The following CHKA variants were observed in gnomAD, a reference collection of about 807,000 sequenced individuals.
CHKA encodes the protein CHETK-alpha.
A neutral mutation model predicts 60.1 loss-of-function variants in CHKA; 34 were observed. The ratio of observed to expected loss-of-function variants is 0.57; its 90% CI spans 0.43 to 0.75. The LOEUF (loss-of-function observed/expected upper bound fraction) is 0.75. Ranked by LOEUF, CHKA falls within the 30% of genes least tolerant of loss-of-function variation. The pLI is 0.00. For missense variants in CHKA, 563 were observed against 561.3 expected (o/e 1.00, Z -0.03); for synonymous variants, 217 against 223.1 (o/e 0.97, Z 0.24).
intron 1 of CHKA, among the ~76,000 whole-genome samples, chr11:68,100,489 C>T (rs1339507913): frequency 3.9e-5 from 6 of 151,920 alleles, no homozygotes; most frequent in Non-Finnish European, 8.8e-5. Flanking sequence ...ACTCAGGAGG[C>T]TGAGGCAGGA....
rs1393200326 is a variant in CHKA, at chr11:68,097,151, G to C, written c.351-21C>G. Reference sequence around the variant, plus strand: ...CGCCTCTGTCAGAAATAAGAGGACAGTAAGTATCTTTATTGCAGGTGAGCT... The same window carrying C: ...CGCCTCTGTCAGAAATAAGAGGACACTAAGTATCTTTATTGCAGGTGAGCT... On this transcript the variant is annotated intron_variant, in intron 1 of 11. Transcript: ENST00000265689. 5 of 1,579,090 alleles carry C rather than the reference G, an allele frequency of 3.2e-6. No individual in the cohort carries two copies. In the South Asian group the frequency reaches 5.6e-5, roughly 18 times the overall value.
At chr11:68,058,485 T>G (rs1407719024) in intron 11 of CHKA, among the ~76,000 whole-genome samples, 1 of 152,120 alleles carries the variant, frequency 6.6e-6, no homozygotes, top group Non-Finnish European at 1.5e-5. Flanking sequence ...TTCACTTCTT[T>G]ATTTTTTACA....
intron 1 of CHKA, among the ~76,000 whole-genome samples, chr11:68,106,476 C>T (rs1203182583): frequency 6.6e-6 from 1 of 151,402 alleles, no homozygotes; most frequent in Non-Finnish European, 1.5e-5. Context: ...CTGCTTGAGC[C>T]TGGAAGGTTG....
At chr11:68,065,231 C>A (rs1026781217) in intron 9 of CHKA, among the ~76,000 whole-genome samples, 4 of 151,934 alleles carry the variant, frequency 2.6e-5, no homozygotes, top group Admixed American at 6.6e-5. Flanking sequence ...CTGGGCTTTT[C>A]AAAAAAATAC....
intron 3 of CHKA, among the ~76,000 whole-genome samples, chr11:68,079,736 C>T (rs1419007957): frequency 5.3e-5 from 8 of 152,052 alleles, no homozygotes; most frequent in Non-Finnish European, 7.4e-5. Context: ...TGAAATCGGC[C>T]GGGCGATTTC....
chr11:68,109,768 A>G (rs1252177085), intron 1 of CHKA, among the ~76,000 whole-genome samples: 11 of 152,172 alleles, frequency 7.2e-5, no homozygotes, highest in Admixed American at 7.2e-4. Context: ...CCTGGCCAAC[A>G]TGGTGAAACC....
At chr11:68,112,080 T>G (rs1214378421) in intron 1 of CHKA, among the ~76,000 whole-genome samples, 4 of 44,394 alleles carry the variant, frequency 9.0e-5, no homozygotes, top group African/African-American at 3.7e-4. Flanking sequence ...AAAAAAAAAG[T>G]CCTGGAACAA....
Position 68,095,031 on chromosome 11 carries a change from G to A in CHKA, c.462+1988C>T, listed in dbSNP as rs556951691. ...TTTTTAGATTGAGCTGAAATAGGCC[G>A]GTCTTTTAAAAAATTTAGTTTGAAA... On this transcript the variant is annotated intron_variant, in intron 2 of 11. Transcript: ENST00000265689. Among the ~76,000 whole-genome samples, 71 of 151,970 alleles carry A rather than the reference G, an allele frequency of 4.7e-4. No individual in the cohort carries two copies. In the South Asian group the frequency reaches 0.014, roughly 30 times the overall value.
chr11:68,081,153 A>G (rs1448358111), intron 3 of CHKA, among the ~76,000 whole-genome samples: 1 of 152,154 alleles, frequency 6.6e-6, no homozygotes, highest in East Asian at 1.9e-4. Context: ...CAACATCCGA[A>G]TGCTGTTTCG....
At chr11:68,118,345 G>A (rs1433399486) in intron 1 of CHKA, among the ~76,000 whole-genome samples, 1 of 152,148 alleles carries the variant, frequency 6.6e-6, no homozygotes, top group Non-Finnish European at 1.5e-5. Flanking sequence ...AGAGGCTGAG[G>A]TGGGAGGATC....
chr11:68,057,441 T>TCTC (rs1856064969), intron 11 of CHKA, among the ~76,000 whole-genome samples: 1 of 152,112 alleles, frequency 6.6e-6, no homozygotes, highest in South Asian at 2.1e-4. Flanking sequence ...TGCCTCAGCC[T>TCTC]CTCCAGTAGC....
intron 11 of CHKA, among the ~76,000 whole-genome samples, chr11:68,060,042 T>TTTTTTTTTTTTTTTA (rs1412983156): frequency 6.6e-6 from 1 of 150,588 alleles, no homozygotes; most frequent in Admixed American, 6.6e-5. Context: ...CTTTTTTTTT[T>TTTTTTTTTTTTTTTA]GAGACCCAGA....
chr11:68,058,290 A>G (rs1221986517), intron 11 of CHKA, among the ~76,000 whole-genome samples: 1 of 152,202 alleles, frequency 6.6e-6, no homozygotes, highest in Non-Finnish European at 1.5e-5. Flanking sequence ...CTTTTACAAA[A>G]TTATTTTGGT....
chr11:68,112,640 C>T (rs1220670699), intron 1 of CHKA, among the ~76,000 whole-genome samples: 1 of 152,180 alleles, frequency 6.6e-6, no homozygotes, highest in African/African-American at 2.4e-5. Flanking sequence ...AAATTAAAAA[C>T]TGCTTTGCAA....
chr11:68,054,177 G>A (rs1855911253), intron 11 of CHKA, 130 bp from the exon 12 acceptor site: 6 of 739,474 alleles, frequency 8.1e-6, no homozygotes, highest in Admixed American at 4.6e-5. Flanking sequence ...CACAGGACTG[G>A]CCTGTGCAGC....
chr11:68,108,878 A>G (rs1387985991), intron 1 of CHKA, among the ~76,000 whole-genome samples: 6 of 152,176 alleles, frequency 3.9e-5, no homozygotes, highest in Non-Finnish European at 8.8e-5. Flanking sequence ...AACCTTAACT[A>G]TAACTAACAA....
In CHKA at chr11:68,058,479, C is replaced by T. The variant is rs1433808303; in HGVS notation, c.1314+3474G>A. Among the ~76,000 whole-genome samples the T allele has an allele frequency of 2.0e-4, 30 of 152,150 alleles. 1 individual carries two copies. The highest frequency in any genetic ancestry group is 2.9e-5 in the Non-Finnish European group (2 of 68,028). On this transcript the variant is annotated intron_variant, in intron 11 of 11. Transcript: ENST00000265689. ...GGTGGTATCTTCTCCATTTATTTCA[C>T]TTCTTTATTTTTTACACTCTTTCAT...
chr11:68,077,968 G>A (rs1026052819), intron 3 of CHKA, among the ~76,000 whole-genome samples: 1 of 152,148 alleles, frequency 6.6e-6, no homozygotes, highest in Non-Finnish European at 1.5e-5. Context: ...TGAGATTGCC[G>A]GGTGGACTGG....
chr11:68,075,884 T>TTC (rs756309205), intron 3 of CHKA, among the ~76,000 whole-genome samples: 1 of 152,210 alleles, frequency 6.6e-6, no homozygotes, highest in Non-Finnish European at 1.5e-5. Context: ...TTTCAGATGA[T>TTC]TCTAATTCAC....
Sources: gnomAD v4.1 joint callset for allele counts (sites outside exome capture counted in the v4.1 genomes callset) on GRCh38, gnomAD v4.1.1 for gene constraint, MANE v1.5 for transcripts, NCBI Gene and HGNC (gene_info 2026-07-23, HGNC 2026-07-21) for gene names.